ERICH1: variants seen among roughly 807,000 people sequenced by gnomAD.
ERICH1 encodes glutamate-rich protein 1.
ERICH1 carries 56 observed loss-of-function variants against 39.6 expected under a neutral mutation model. That is an observed-to-expected ratio of 1.41 (90% CI 1.14 to 1.77). The LOEUF is 1.77. Among genes scored for constraint, ERICH1 ranks in the 40% most tolerant of loss-of-function variants. The pLI is 0.00. For synonymous variants in ERICH1, 313 were observed against 223.6 expected, an observed-to-expected ratio of 1.40 and a Z score of -3.57; for missense variants, 826 against 575.4, an observed-to-expected ratio of 1.44 and a Z score of -4.45.
chr8:653,720 A>G (rs1800260841), intron 3 of ERICH1, among the ~76,000 whole-genome samples: 1 of 152,242 alleles, frequency 6.6e-6, no homozygotes, highest in Admixed American at 6.5e-5. Flanking sequence ...CACAGGCTAT[A>G]ACACGAGGAA....
chr8:706,403 A>G (rs1040060517), intron 2 of ERICH1, among the ~76,000 whole-genome samples: 6 of 152,252 alleles, frequency 3.9e-5, no homozygotes, highest in Non-Finnish European at 7.3e-5. Context: ...ACCAAAAAGA[A>G]TAAAATACTT....
intron 3 of ERICH1, among the ~76,000 whole-genome samples, chr8:629,611 ACC>A (rs1431228121): frequency 8.0e-5 from 7 of 87,726 alleles, no homozygotes; most frequent in African/African-American, 2.9e-4. Flanking sequence ...GCTGACTCAC[ACC>A]CGCCTGTGAC....
downstream of ERICH1, chr8:664,160 C>G: frequency 3.6e-6 from 3 of 831,134 alleles, no homozygotes; most frequent in Non-Finnish European, 4.4e-6. Context: ...ATATGATTCA[C>G]AAAGTAGAGA....
chr8:635,087 C>G (rs1324577034), intron 3 of ERICH1, among the ~76,000 whole-genome samples: 1 of 149,312 alleles, frequency 6.7e-6, no homozygotes, highest in Non-Finnish European at 1.5e-5. Flanking sequence ...AAGGGGTTGC[C>G]GGAGCCACTC....
At chr8:699,945 A>ACG (rs1811467682) in intron 2 of ERICH1, among the ~76,000 whole-genome samples, 2 of 136,042 alleles carry the variant, frequency 1.5e-5, no homozygotes, top group Non-Finnish European at 3.2e-5. Context: ...AGACCCGCAC[A>ACG]CGCGCACAGG....
chr8:621,035 G>A (rs563404833), intron 3 of ERICH1, among the ~76,000 whole-genome samples: 6 of 151,902 alleles, frequency 3.9e-5, no homozygotes, highest in East Asian at 1.9e-4. Context: ...AAATAAACTC[G>A]AATACCTTTA....
In ERICH1 at chr8:673,377, G is replaced by A. The variant is rs149083406; in HGVS notation, c.975C>T (p.Ala325=). 3.3e-5 allele frequency: 53 copies of A among 1,613,968 alleles called. No homozygotes were observed. The African/African-American group carries it at 5.2e-4, about 16-fold the overall frequency. ...ADSGEEDGAD[A]SEEDDTITNE... is the part of the protein sequence containing the mutation. ...TGGTAATTGTATCATCTTCCTCGCTGGCGTCTGCACCGTCCTCCTCCCCGG... is the reference window on the plus strand; with the variant it reads ...TGGTAATTGTATCATCTTCCTCGCTAGCGTCTGCACCGTCCTCCTCCCCGG... The change falls in exon 4 of 6, where the codon GCC becomes GCT. Residue 325 remains alanine (A), a synonymous_variant. Transcript: ENST00000262109.
chr8:617,110 T>C (rs1003887945), intron 3 of ERICH1, among the ~76,000 whole-genome samples: 5 of 152,192 alleles, frequency 3.3e-5, no homozygotes. Flanking sequence ...GTGCATATTA[T>C]TCCAGTTTAG....
intron 3 of ERICH1, among the ~76,000 whole-genome samples, chr8:638,345 A>C (rs1584990106): frequency 6.6e-6 from 1 of 152,034 alleles, no homozygotes; most frequent in Non-Finnish European, 1.5e-5. Context: ...GCACGTTCAG[A>C]CCCTCAGCCA....
At chr8:640,292 A>G (rs1030885616) in intron 3 of ERICH1, among the ~76,000 whole-genome samples, 4 of 152,120 alleles carry the variant, frequency 2.6e-5, no homozygotes, top group African/African-American at 4.8e-5. Flanking sequence ...TCACATCCCA[A>G]TTCCTCTCTG....
In ERICH1 at chr8:664,620, C is replaced by T. The variant is rs751761333; in HGVS notation, c.1315G>A (p.Glu439Lys). 5 of 1,612,268 alleles carry T rather than the reference C, an allele frequency of 3.1e-6. No individual in the cohort carries two copies. In the South Asian group the frequency reaches 5.5e-5, roughly 18 times the overall value. ...FSYWITHILP[E>K]KSSD The stretch of plus-strand genomic sequence containing the variant: ...ATTCCATTTTAGTCACTGCTCTTCT[C>T]AGGAAGGATATGTGTGATCCAGTAA... Residue 439 changes from glutamate (E) to lysine (K), a missense_variant, in exon 6 of 6, where the codon GAG becomes AAG. Transcript: ENST00000262109.
intron 3 of ERICH1, among the ~76,000 whole-genome samples, chr8:635,645 C>T (rs1231994400): frequency 2.0e-5 from 3 of 152,238 alleles, no homozygotes; most frequent in East Asian, 1.9e-4. Flanking sequence ...CCCAGCAACC[C>T]GTCCCTGCAC....
At chr8:634,917 G>A (rs951266045) in intron 3 of ERICH1, among the ~76,000 whole-genome samples, 16 of 152,170 alleles carry the variant, frequency 1.1e-4, no homozygotes, top group Admixed American at 6.5e-4. Context: ...CAAGGACCTT[G>A]GGAGCTGGGG....
chr8:624,691 C>T (rs11782786), intron 3 of ERICH1, among the ~76,000 whole-genome samples: 17,702 of 151,626 alleles, frequency 0.12, 1,291 homozygotes, highest in East Asian at 0.28. Flanking sequence ...AAGGGGGAGG[C>T]GCTACACACT....
At chr8:630,894 CA>C (rs1797981715) in intron 3 of ERICH1, among the ~76,000 whole-genome samples, 1 of 149,484 alleles carries the variant, frequency 6.7e-6, no homozygotes, top group African/African-American at 2.5e-5. Flanking sequence ...CACCCACAGA[CA>C]GAGCTGACTC....
intron 2 of ERICH1, among the ~76,000 whole-genome samples, chr8:705,561 C>T (rs1258900722): frequency 2.6e-5 from 4 of 152,140 alleles, no homozygotes; most frequent in Admixed American, 2.6e-4. Context: ...AAACCCACAG[C>T]TAACATCATA....
rs13257747 is a variant in ERICH1, at chr8:634,183, A to C, written c.977-18899T>G. 8.5e-3 allele frequency among the ~76,000 whole-genome samples: 1,161 copies of C among 135,848 alleles called. 11 individuals are homozygous for C. Among genetic ancestry groups the C allele is most frequent in the African/African-American group, 0.028 (948 of 34,366 alleles). The allele number at this position is 135,848 out of a possible 152,430, so 89.1% of individuals were successfully genotyped here. On this transcript the variant is annotated intron_variant, in intron 3 of 3. Coordinates refer to the ERICH1 transcript ENST00000522706. ...TCCTAAAACTCAAAAAAAAAAAAAA[A>C]AAACAAACAAAAAAAACCCTGATTC...
intron 3 of ERICH1, among the ~76,000 whole-genome samples, chr8:642,775 G>A (rs1370611506): frequency 6.6e-6 from 1 of 152,106 alleles, no homozygotes; most frequent in Non-Finnish European, 1.5e-5. Flanking sequence ...GGCTCAGAGG[G>A]TCAGTGTGAG....
At position 687,917 on chromosome 8, in the gene ERICH1, A is replaced by C. The variant is rs1807852112; in HGVS notation, c.304+4561T>G. Among the ~76,000 whole-genome samples the C allele has an allele frequency of 1.3e-5, 2 of 152,094 alleles. 1 individual carries two copies. Among genetic ancestry groups the C allele is most frequent in the Non-Finnish European group, 2.9e-5 (2 of 67,944 alleles). ...GAGGCTTCCAGCCGAGACGGCACCC[A>C]GGTTTCCCGAGCAGGGTCTGAGGCT... On this transcript the variant is annotated intron_variant, in intron 3 of 5. Transcript: ENST00000262109.
Sources: gnomAD v4.1 joint callset for allele counts (sites outside exome capture counted in the v4.1 genomes callset) on GRCh38, gnomAD v4.1.1 for gene constraint, MANE v1.5 for transcripts, NCBI Gene and HGNC (gene_info 2026-07-23, HGNC 2026-07-21) for gene names.